UGGT2: variants seen among roughly 807,000 people sequenced by gnomAD.
The protein encoded by UGGT2 is UDP-glucose glycoprotein glucosyltransferase 2, also known as UDP-glucose:glycoprotein glucosyltransferase 2.
In UGGT2, 180 loss-of-function variants were observed where a neutral mutation model predicts 192.1. The ratio of observed to expected loss-of-function variants is 0.94; its 90% CI spans 0.83 to 1.06. The LOEUF is 1.06. Ranked by LOEUF, UGGT2 falls within the 50% of genes least tolerant of loss-of-function variation. The pLI, the probability that UGGT2 is intolerant of heterozygous loss-of-function variation, is 0.00. For missense variants in UGGT2, 1,849 were observed against 1,795.7 expected, an observed-to-expected ratio of 1.03 and a Z score of -0.54; for synonymous variants, 580 against 591.0, an observed-to-expected ratio of 0.98 and a Z score of 0.27.
At chr13:96,040,880 A>G (rs937701249) in intron 1 of UGGT2, among the ~76,000 whole-genome samples, 7 of 152,180 alleles carry the variant, frequency 4.6e-5, no homozygotes, top group African/African-American at 1.7e-4. Flanking sequence ...CTAAGGCTGG[A>G]AAAAGTTAGA....
At chr13:95,999,089 C>A in intron 6 of UGGT2, 122 bp downstream of exon 6, 1 of 562,028 alleles carries the variant, frequency 1.8e-6, no homozygotes, top group Non-Finnish European at 3.1e-6. Context: ...AGAATATGTC[C>A]ACCCCATCTC....
chr13:95,932,169 C>G (rs190700743), intron 17 of UGGT2, among the ~76,000 whole-genome samples: 2 of 152,222 alleles, frequency 1.3e-5, no homozygotes, highest in Non-Finnish European at 2.9e-5. Flanking sequence ...GCCATGTTAA[C>G]AATATTTAGT....
At chr13:95,924,157 G>A (rs1293910799) in intron 20 of UGGT2, among the ~76,000 whole-genome samples, 2 of 151,924 alleles carry the variant, frequency 1.3e-5, no homozygotes, top group Non-Finnish European at 2.9e-5. Context: ...AAATCTTTGG[G>A]ACAATGAAAA....
intron 11 of UGGT2, 31 bp from the exon 12 acceptor site, chr13:95,970,293 T>G (rs1228669303): frequency 6.4e-7 from 1 of 1,559,144 alleles, no homozygotes; most frequent in South Asian, 1.2e-5. Flanking sequence ...CAGTTTTATT[T>G]TGATTTTCCA....
intron 38 of UGGT2, among the ~76,000 whole-genome samples, chr13:95,821,870 G>T (rs182284962): frequency 2.0e-5 from 3 of 152,098 alleles, no homozygotes; most frequent in Non-Finnish European, 4.4e-5. Flanking sequence ...ACAGTTGGCT[G>T]TAAGTATTTG....
At chr13:96,019,131 G>A (rs956926500) in intron 4 of UGGT2, among the ~76,000 whole-genome samples, 4 of 130,386 alleles carry the variant, frequency 3.1e-5, no homozygotes, top group East Asian at 2.4e-4. Context: ...GCGGGGGGGG[G>A]GGGGGGGAAT....
intron 13 of UGGT2, 141 bp from the exon 14 acceptor site, chr13:95,948,222 C>CACAA (rs1386011247): frequency 3.1e-5 from 10 of 319,450 alleles, no homozygotes; most frequent in African/African-American, 2.6e-4. Flanking sequence ...AAGGAATACA[C>CACAA]ACACACACAC....
chr13:95,844,558 C>T (rs779534135), intron 36 of UGGT2, among the ~76,000 whole-genome samples: 7 of 152,148 alleles, frequency 4.6e-5, no homozygotes, highest in African/African-American at 7.2e-5. Context: ...TTTTAAAATG[C>T]TACAGAAATG....
At chr13:95,852,462 A>ATCATGCTT (rs1195377450) in intron 36 of UGGT2, among the ~76,000 whole-genome samples, 30 of 152,270 alleles carry the variant, frequency 2.0e-4, no homozygotes, top group African/African-American at 6.5e-4. Flanking sequence ...TGAACTCTCT[A>ATCATGCTT]TCATGCTTTC....
rs1380948553 is a variant in UGGT2, at chr13:95,949,471, A to G, written c.1336-17T>C. ...ATTAATCCACTAGAAAAGAACGCAGACACTTGTGAAAGCTATATTAACACT... is the reference window on the plus strand; with the variant it reads ...ATTAATCCACTAGAAAAGAACGCAGGCACTTGTGAAAGCTATATTAACACT... On this transcript the variant is annotated splice_polypyrimidine_tract_variant and intron_variant, in intron 12 of 38. Coordinates refer to ENST00000376747, the MANE Select transcript of UGGT2 (RefSeq NM_020121.4). 2 of 1,446,080 alleles carry G rather than the reference A, an allele frequency of 1.4e-6. No individual in the cohort carries two copies. The highest frequency in any genetic ancestry group is 1.8e-6 in the Non-Finnish European group (2 of 1,089,594). The allele number at this position is 1,446,080 out of a possible 1,614,324, so 89.6% of individuals were successfully genotyped here.
intron 38 of UGGT2, among the ~76,000 whole-genome samples, chr13:95,831,141 G>A (rs962938672): frequency 6.6e-6 from 1 of 152,004 alleles, no homozygotes; most frequent in African/African-American, 2.4e-5. Flanking sequence ...GGTGGGGGTA[G>A]GGGGTGGGAT....
intron 36 of UGGT2, among the ~76,000 whole-genome samples, chr13:95,846,252 G>A (rs1203382871): frequency 3.3e-5 from 5 of 152,156 alleles, no homozygotes; most frequent in Non-Finnish European, 5.9e-5. Context: ...GCGAAACCCC[G>A]TCTCCACCAA....
At chr13:95,958,836 A>T (rs2050295601) in intron 12 of UGGT2, among the ~76,000 whole-genome samples, 1 of 152,072 alleles carries the variant, frequency 6.6e-6, no homozygotes, top group African/African-American at 2.4e-5. Flanking sequence ...AGGTTCCCTA[A>T]TGCAAGGAAA....
intron 6 of UGGT2, 139 bp downstream of exon 6, chr13:95,999,072 T>A: frequency 1.9e-6 from 1 of 528,716 alleles, no homozygotes; most frequent in Non-Finnish European, 3.3e-6. Context: ...ATTCCAAATT[T>A]TAATGAAGAA....
chr13:95,950,539 CA>C (rs557375454), intron 12 of UGGT2, among the ~76,000 whole-genome samples: 2,433 of 83,862 alleles, frequency 0.029, 63 homozygotes, highest in African/African-American at 0.13. Flanking sequence ...CTGGCTCTCA[CA>C]AAAAAAAAAA....
intron 36 of UGGT2, among the ~76,000 whole-genome samples, chr13:95,838,238 A>C (rs1442520375): frequency 1.3e-5 from 2 of 152,196 alleles, no homozygotes; most frequent in Admixed American, 6.5e-5. Context: ...CTTAAACATA[A>C]ATCTAATAAA....
Position 95,927,024 on chromosome 13 carries a change from T to G in UGGT2, c.2200+4A>C, listed in dbSNP as rs747141673. On this transcript the variant is annotated splice_donor_region_variant and intron_variant, in intron 19 of 38. Coordinates refer to ENST00000376747, the MANE Select transcript of UGGT2 (RefSeq NM_020121.4). ...AATTCAGGTAAATAAAATATGCTTA[T>G]TACCGTCTTGGGTTAAATAATACAT... 1 of 1,594,960 alleles carries G rather than the reference T, an allele frequency of 6.3e-7. No homozygotes were observed. The highest frequency in any genetic ancestry group is 1.1e-5 in the South Asian group (1 of 87,048).
At chr13:95,837,386 A>G (rs1566568547) in intron 36 of UGGT2, among the ~76,000 whole-genome samples, 184 bp from the exon 37 acceptor site, 1 of 152,198 alleles carries the variant, frequency 6.6e-6, no homozygotes, top group African/African-American at 2.4e-5. Flanking sequence ...TCATGAATGA[A>G]TCCATGCACT....
At chr13:96,016,820 T>G (rs1284145474) in intron 4 of UGGT2, among the ~76,000 whole-genome samples, 2 of 152,126 alleles carry the variant, frequency 1.3e-5, no homozygotes, top group Non-Finnish European at 2.9e-5. Flanking sequence ...GGATGGTAGA[T>G]TCACCAGCAG....
Sources: allele counts gnomAD v4.1 joint callset (sites outside exome capture counted in the v4.1 genomes callset), GRCh38; gene constraint gnomAD v4.1.1; transcripts MANE v1.5; gene names NCBI Gene and HGNC (gene_info 2026-07-23, HGNC 2026-07-21).